The following ATP8A2 variants were observed in gnomAD, a reference collection of about 807,000 sequenced individuals.
ATP8A2 encodes the protein ATPase phospholipid transporting 8A2, also known as phospholipid-transporting ATPase IB.
A neutral mutation model predicts 165.6 loss-of-function variants in ATP8A2; 100 were observed. That is an observed-to-expected ratio of 0.60 (90% confidence interval 0.51 to 0.71). The LOEUF (loss-of-function observed/expected upper bound fraction) is 0.71, where lower values mean the gene tolerates loss of function less well. Among genes scored for constraint, ATP8A2 ranks in the 30% least tolerant of loss-of-function variants. ATP8A2 has a pLI of 0.00. For synonymous variants in ATP8A2, 543 were observed against 548.8 expected (o/e 0.99, Z 0.15); for missense variants, 1,227 against 1,479.5 (o/e 0.83, Z 2.80).
chr13:25,781,186 C>G (rs2044868505), intron 27 of ATP8A2, among the ~76,000 whole-genome samples: 1 of 152,074 alleles, frequency 6.6e-6, no homozygotes, highest in Non-Finnish European at 1.5e-5. Flanking sequence ...TGACGTGAAC[C>G]TGGGAGGCGG....
At chr13:25,968,945 GC>G (rs1170152677) in intron 35 of ATP8A2, among the ~76,000 whole-genome samples, 10 of 152,236 alleles carry the variant, frequency 6.6e-5, no homozygotes, top group African/African-American at 2.2e-4. Context: ...CGATGTTGTG[GC>G]AGTATTATCT....
chr13:25,970,008 A>G (rs569950989), intron 35 of ATP8A2, among the ~76,000 whole-genome samples: 4 of 152,352 alleles, frequency 2.6e-5, no homozygotes, highest in African/African-American at 9.6e-5. Context: ...AAACATATTC[A>G]TAAGCTCCAA....
At chr13:25,724,389 A>G (rs2043449847) in intron 25 of ATP8A2, among the ~76,000 whole-genome samples, 1 of 152,196 alleles carries the variant, frequency 6.6e-6, no homozygotes, top group African/African-American at 2.4e-5. Flanking sequence ...GAGAGAGTGA[A>G]CAGGCAGGGA....
chr13:25,853,102 A>T (rs887324687), intron 30 of ATP8A2, among the ~76,000 whole-genome samples: 4 of 151,828 alleles, frequency 2.6e-5, no homozygotes, highest in African/African-American at 9.7e-5. Context: ...TTTTTTAAAC[A>T]TAGAATTTCT....
chr13:25,949,319 G>A (rs1029404883), intron 33 of ATP8A2, among the ~76,000 whole-genome samples: 1 of 152,230 alleles, frequency 6.6e-6, no homozygotes, highest in African/African-American at 2.4e-5. Flanking sequence ...CATTCAGATG[G>A]TGACAAGGTG....
At chr13:25,829,616 C>A (rs1169060205) in intron 28 of ATP8A2, among the ~76,000 whole-genome samples, 3 of 138,168 alleles carry the variant, frequency 2.2e-5, no homozygotes, top group African/African-American at 8.1e-5. Context: ...ATTTTAGAAA[C>A]AAAATGCTGA....
chr13:25,807,826 A>G (rs780352095), intron 27 of ATP8A2, among the ~76,000 whole-genome samples: 3 of 152,182 alleles, frequency 2.0e-5, no homozygotes, highest in Admixed American at 6.6e-5. Context: ...TGCAAAGCAC[A>G]ATAACCCCTA....
intron 1 of ATP8A2, among the ~76,000 whole-genome samples, chr13:25,416,511 C>G (rs978380777): frequency 6.6e-6 from 1 of 152,122 alleles, no homozygotes; most frequent in Admixed American, 6.5e-5. Context: ...GTCCTGGCAC[C>G]AGGTTAGAAG....
intron 24 of ATP8A2, among the ~76,000 whole-genome samples, chr13:25,653,798 A>G (rs1298001804): frequency 1.3e-5 from 2 of 152,138 alleles, no homozygotes; most frequent in East Asian, 3.9e-4. Flanking sequence ...GCCAAATGAA[A>G]TCTGTTCCAA....
intron 24 of ATP8A2, among the ~76,000 whole-genome samples, chr13:25,676,825 T>G (rs2137782796): frequency 6.6e-6 from 1 of 152,318 alleles, no homozygotes; most frequent in South Asian, 2.1e-4. Context: ...TTAAAATCTC[T>G]TATTGGTAGA....
intron 1 of ATP8A2, among the ~76,000 whole-genome samples, chr13:25,421,848 C>T (rs982855700): frequency 6.6e-6 from 1 of 152,198 alleles, no homozygotes; most frequent in Non-Finnish European, 1.5e-5. Context: ...CCAAATTCCA[C>T]GGCTTGGCAG....
intron 1 of ATP8A2, among the ~76,000 whole-genome samples, chr13:25,398,909 T>C (rs1159676341): frequency 4.1e-5 from 2 of 48,774 alleles, no homozygotes; most frequent in South Asian, 1.1e-3. Flanking sequence ...AAGTAATGCA[T>C]ATGAAAAAAA....
At chr13:25,413,199 G>A (rs1239899339) in intron 1 of ATP8A2, among the ~76,000 whole-genome samples, 2 of 151,684 alleles carry the variant, frequency 1.3e-5, no homozygotes, top group African/African-American at 2.4e-5. Context: ...TACTGCAATA[G>A]AAGTAATTCT....
chr13:25,465,739 C>CTTTTCTTT (rs1566153629), intron 1 of ATP8A2, among the ~76,000 whole-genome samples: 1 of 18,274 alleles, frequency 5.5e-5, no homozygotes, highest in African/African-American at 1.5e-4. Context: ...TTCTTTCTTT[C>CTTTTCTTT]CCTCCCTCCC....
chr13:25,402,693 G>T (rs1566107195), intron 1 of ATP8A2, among the ~76,000 whole-genome samples: 1 of 152,168 alleles, frequency 6.6e-6, no homozygotes, highest in Non-Finnish European at 1.5e-5. Context: ...AAGAGGTGGG[G>T]TATTTAGGAG....
intron 24 of ATP8A2, among the ~76,000 whole-genome samples, chr13:25,662,131 A>C (rs1244647512): frequency 6.6e-6 from 1 of 152,224 alleles, no homozygotes; most frequent in Admixed American, 6.5e-5. Context: ...TAATAATAAC[A>C]TCTACCTCAT....
intron 27 of ATP8A2, among the ~76,000 whole-genome samples, chr13:25,798,300 C>T (rs1950538095): frequency 6.6e-6 from 1 of 152,168 alleles, no homozygotes; most frequent in African/African-American, 2.4e-5. Flanking sequence ...GAAAATCCCT[C>T]AGGGAAGCAT....
chr13:25,987,354 A>G (rs1449405904), intron 35 of ATP8A2, among the ~76,000 whole-genome samples: 2 of 152,272 alleles, frequency 1.3e-5, no homozygotes, highest in East Asian at 3.8e-4. Flanking sequence ...GCCAACAAGC[A>G]ACAATGCAGC....
intron 1 of ATP8A2, among the ~76,000 whole-genome samples, chr13:25,435,957 G>GTGTATGTGTGTGTGTGTGTA (rs142904685): frequency 7.4e-5 from 11 of 149,062 alleles, no homozygotes; most frequent in Non-Finnish European, 1.6e-4. Context: ...GTGTGAGTGT[G>GTGTATGTGTGTGTGTGTGTA]TGTGTGTGTG....
Sources: gnomAD v4.1 joint callset for allele counts (sites outside exome capture counted in the v4.1 genomes callset) on GRCh38, gnomAD v4.1.1 for gene constraint, MANE v1.5 for transcripts, NCBI Gene and HGNC (gene_info 2026-07-23, HGNC 2026-07-21) for gene names.